Variants in PDZD8 observed in about 807,000 individuals in gnomAD.
The protein encoded by PDZD8 is PDZ domain containing 8.
A neutral mutation model predicts 85.8 loss-of-function variants in PDZD8; 14 were observed. The ratio of observed to expected loss-of-function variants is 0.16; its 90% CI spans 0.11 to 0.26. The LOEUF (loss-of-function observed/expected upper bound fraction) is 0.26. Among genes scored for constraint, PDZD8 ranks in the 10% least tolerant of loss-of-function variants. The pLI is 1.00. For synonymous variants in PDZD8, 592 were observed against 568.6 expected, an observed-to-expected ratio of 1.04 and a Z score of -0.59; for missense variants, 1,197 against 1,424.3, an observed-to-expected ratio of 0.84 and a Z score of 2.57.
In PDZD8 at chr10:117,374,505, C is replaced by A; in HGVS notation, c.723G>T (p.Trp241Cys). The stretch of plus-strand genomic sequence containing the variant: ...GCGGGTCTTCCACGAAGGAGAAGAA[C>A]CAGTGGGTGAAGGGCACGCGCGTAA... ...LVFTRVPFTH[W>C]FFSFVEDPLI... Residue 241 changes from tryptophan (W) to cysteine (C), a missense_variant, in exon 1 of 5, where the codon TGG becomes TGT. Transcript: ENST00000334464. This position sits in a 1 kb window ranked among gnomAD's most constrained non-coding sequence, Gnocchi z 7.8. The A allele has an allele frequency of 6.2e-7, 1 of 1,613,304 alleles. No homozygotes were observed.
intron 2 of PDZD8, among the ~76,000 whole-genome samples, chr10:117,336,990 G>A (rs1451143244): frequency 6.6e-6 from 1 of 151,952 alleles, no homozygotes; most frequent in Non-Finnish European, 1.5e-5. Context: ...TTGGGAGGCT[G>A]AGGCAAAAGA....
At chr10:117,303,451 G>A (rs1843881855) in intron 3 of PDZD8, among the ~76,000 whole-genome samples, 1 of 152,318 alleles carries the variant, frequency 6.6e-6, no homozygotes, top group East Asian at 1.9e-4. Flanking sequence ...GAGCATAAAA[G>A]TTTGGAAAAT....
intron 1 of PDZD8, among the ~76,000 whole-genome samples, chr10:117,370,918 T>TGTGTGTGTGTGTG (rs1845177851): frequency 1.4e-5 from 2 of 146,330 alleles, no homozygotes; most frequent in South Asian, 2.2e-4. Flanking sequence ...ACAACATAGT[T>TGTGTGTGTGTGTG]TGTGTGTGTG....
At chr10:117,293,256 C>A (rs1175287085) in intron 3 of PDZD8, among the ~76,000 whole-genome samples, 3 of 151,946 alleles carry the variant, frequency 2.0e-5, no homozygotes, top group Admixed American at 6.6e-5. Context: ...ATATATAATT[C>A]TCTCCCATAT....
intron 3 of PDZD8, among the ~76,000 whole-genome samples, chr10:117,318,239 C>T (rs938066525): frequency 2.5e-4 from 38 of 152,260 alleles, no homozygotes; most frequent in African/African-American, 8.9e-4. Flanking sequence ...CCTATTATCA[C>T]CAGATCTAAA....
chr10:117,322,487 G>A (rs570655618), intron 2 of PDZD8, among the ~76,000 whole-genome samples: 1 of 152,298 alleles, frequency 6.6e-6, no homozygotes, highest in African/African-American at 2.4e-5. Flanking sequence ...TGGATTTGCA[G>A]TAGCTGAGGA....
intron 3 of PDZD8, among the ~76,000 whole-genome samples, chr10:117,307,429 A>G (rs1462993653): frequency 6.6e-6 from 1 of 152,040 alleles, no homozygotes; most frequent in Non-Finnish European, 1.5e-5. Context: ...AACTTCTGAC[A>G]ACACTCTCAG....
intron 2 of PDZD8, among the ~76,000 whole-genome samples, chr10:117,326,546 C>G (rs527533637): frequency 6.6e-6 from 1 of 152,330 alleles, no homozygotes; most frequent in East Asian, 1.9e-4. Context: ...CACAATCAAA[C>G]AGCTTCTGTA....
intron 2 of PDZD8, among the ~76,000 whole-genome samples, chr10:117,328,660 CCAAT>C (rs539512993): frequency 1.2e-3 from 180 of 151,874 alleles, no homozygotes; most frequent in Middle Eastern, 3.4e-3. Flanking sequence ...CTTATGTTAA[CCAAT>C]CAGTCTTTTT....
Position 117,328,330 on chromosome 10 carries a change from G to T in PDZD8, c.996-9356C>A, listed in dbSNP as rs190179345. Among the ~76,000 whole-genome samples the T allele has an allele frequency of 5.3e-5, 8 of 152,270 alleles. No individual in the cohort carries two copies. In the East Asian group the frequency reaches 1.5e-3, roughly 29 times the overall value. On this transcript the variant is annotated intron_variant, in intron 2 of 4. Coordinates refer to ENST00000334464, the MANE Select transcript of PDZD8 (RefSeq NM_173791.5). ...AACCAGCAGTGGCTCTATGTTGACTGTCAAGCTTTAATTCTCAGAAGAATT... is the reference window on the plus strand; with the variant it reads ...AACCAGCAGTGGCTCTATGTTGACTTTCAAGCTTTAATTCTCAGAAGAATT...
chr10:117,321,996 A>T (rs555954050), intron 2 of PDZD8, among the ~76,000 whole-genome samples: 46 of 152,332 alleles, frequency 3.0e-4, no homozygotes, highest in Non-Finnish European at 5.9e-4. Flanking sequence ...TATTTGTCCT[A>T]TTCAAAGACT....
chr10:117,333,124 A>AAACAAAAC (rs1373673590), intron 2 of PDZD8, among the ~76,000 whole-genome samples: 4 of 145,896 alleles, frequency 2.7e-5, no homozygotes, highest in African/African-American at 7.6e-5. Flanking sequence ...TCTCAAAAAA[A>AAACAAAAC]AAAAAAAAAA....
chr10:117,362,439 T>C (rs186570443), intron 1 of PDZD8, among the ~76,000 whole-genome samples: 28 of 152,274 alleles, frequency 1.8e-4, no homozygotes, highest in Admixed American at 1.7e-3. Flanking sequence ...AACAAATCAG[T>C]AGTAATTCCA....
At chr10:117,334,327 T>C (rs1158131209) in intron 2 of PDZD8, among the ~76,000 whole-genome samples, 2 of 152,094 alleles carry the variant, frequency 1.3e-5, no homozygotes, top group African/African-American at 2.4e-5. Context: ...AGCAACAGGA[T>C]AAAACTCTTT....
At chr10:117,343,023 T>A (rs191269721) in intron 1 of PDZD8, among the ~76,000 whole-genome samples, 24 of 152,126 alleles carry the variant, frequency 1.6e-4, no homozygotes, top group African/African-American at 4.6e-4. Context: ...CGTGCATTTA[T>A]GCCTTAAAAT....
intron 3 of PDZD8, among the ~76,000 whole-genome samples, chr10:117,304,353 C>T (rs963439914): frequency 6.6e-6 from 1 of 152,126 alleles, no homozygotes; most frequent in African/African-American, 2.4e-5. Context: ...AATACCTGTA[C>T]CCCCATCGTA....
intron 3 of PDZD8, among the ~76,000 whole-genome samples, 195 bp from the exon 4 acceptor site, chr10:117,290,543 T>C (rs1844740612): frequency 6.6e-6 from 1 of 152,100 alleles, no homozygotes; most frequent in Non-Finnish European, 1.5e-5. Flanking sequence ...ATTTAAATCA[T>C]CAAAAAAATT....
intron 1 of PDZD8, among the ~76,000 whole-genome samples, chr10:117,370,694 T>C (rs1034547368): frequency 4.0e-5 from 6 of 151,874 alleles, no homozygotes; most frequent in African/African-American, 1.5e-4. Context: ...GAAACACAAT[T>C]CTGCTCAATT....
In PDZD8 at chr10:117,285,366, G is replaced by C. The variant is rs764407043; in HGVS notation, c.1367C>G (p.Ala456Gly). 5.6e-6 allele frequency: 9 copies of C among 1,614,148 alleles called. No individual in the cohort carries two copies. The Admixed American group carries it at 6.7e-5, about 12-fold the overall frequency. ...CTGGCCAAAGTTATCTTGCAGCACT[G>C]CACCTTGATTACTCTGGCCAACAGG... ...ERPVGQSNQG[A>G]VLQDNFGQLE... is the part of the protein sequence containing the mutation. Residue 456 changes from alanine to glycine, a missense_variant, in exon 5 of 5, where the codon GCA becomes GGA. Ala to Gly is a moderately conservative substitution (Grantham distance 60). Transcript: ENST00000334464.
Sources: gnomAD v4.1 joint callset for allele counts (sites outside exome capture counted in the v4.1 genomes callset) on GRCh38, gnomAD v4.1.1 for gene constraint, Gnocchi (gnomAD v3.1) non-coding constraint, MANE v1.5 for transcripts, NCBI Gene and HGNC (gene_info 2026-07-23, HGNC 2026-07-21) for gene names.